The following CDH9 variants were observed in gnomAD, a reference collection of about 807,000 sequenced individuals.
CDH9 encodes cadherin 9.
CDH9 carries 28 observed loss-of-function variants against 70.9 expected under a neutral mutation model. The ratio of observed to expected loss-of-function variants is 0.40; its 90% CI spans 0.29 to 0.54. The LOEUF (loss-of-function observed/expected upper bound fraction) is 0.54. Ranked by LOEUF, CDH9 falls within the 20% of genes least tolerant of loss-of-function variation. The probability of loss-of-function intolerance (pLI) is 0.59; values close to 1 mark genes in which losing one functional copy is unlikely to be tolerated. For missense variants in CDH9, 874 were observed against 984.4 expected, an observed-to-expected ratio of 0.89 and a Z score of 1.50; for synonymous variants, 409 against 343.1, an observed-to-expected ratio of 1.19 and a Z score of -2.12.
At chr5:26,952,652 A>AG (rs1239002305) in intron 2 of CDH9, among the ~76,000 whole-genome samples, 1,661 of 141,156 alleles carry the variant, frequency 0.012, 16 homozygotes, top group Middle Eastern at 0.026. Context: ...AAAAAAAAAA[A>AG]AAAGAAAGAA....
At chr5:26,936,108 G>A (rs1218665864) in intron 2 of CDH9, among the ~76,000 whole-genome samples, 1 of 124,576 alleles carries the variant, frequency 8.0e-6, no homozygotes, top group Admixed American at 7.6e-5. Flanking sequence ...GGGAAGAGTG[G>A]GGGGGTGAGA....
intron 1 of CDH9, among the ~76,000 whole-genome samples, chr5:27,008,342 C>T (rs976444139): frequency 1.3e-4 from 19 of 151,806 alleles, no homozygotes; most frequent in African/African-American, 4.1e-4. Flanking sequence ...ATACAAAAAT[C>T]AGCTGAGTGT....
chr5:26,975,388 G>A (rs1742289106), intron 2 of CDH9, among the ~76,000 whole-genome samples: 1 of 152,160 alleles, frequency 6.6e-6, no homozygotes, highest in Non-Finnish European at 1.5e-5. Flanking sequence ...GTGACATATT[G>A]AAATAAGAGA....
chr5:26,906,170 G>A (rs776741900), intron 4 of CDH9, 44 bp from the exon 5 acceptor site: 2 of 1,535,692 alleles, frequency 1.3e-6, no homozygotes, highest in South Asian at 1.2e-5. Context: ...AAATCGCTGA[G>A]TTTTAAAATT....
At chr5:26,942,536 C>T (rs1217354523) in intron 2 of CDH9, among the ~76,000 whole-genome samples, 2 of 152,140 alleles carry the variant, frequency 1.3e-5, no homozygotes, top group African/African-American at 4.8e-5. Context: ...TACTTGCTTA[C>T]AACAGTTGCC....
rs1465812822 is a variant in CDH9, at chr5:26,883,086, TATATATATAA to T, written c.1883-1473_1883-1464del. Among the ~76,000 whole-genome samples the T allele has an allele frequency of 4.1e-4, 51 of 122,922 alleles. 1 individual carries two copies. Among genetic ancestry groups the T allele is most frequent in the African/African-American group, 1.5e-3 (49 of 32,888 alleles). 80.6% of individuals were successfully genotyped at this position (122,922 alleles called of 152,430 possible). On this transcript the variant is annotated intron_variant, in intron 11 of 11. Coordinates refer to ENST00000231021, the MANE Select transcript of CDH9 (RefSeq NM_016279.4). Reference sequence around the variant, plus strand: ...ATATATATATATATATATATATATATATATATATAAAACTGCAGTAAAAATGAGACCTCTG... The same window carrying T: ...ATATATATATATATATATATATATATAACTGCAGTAAAAATGAGACCTCTG...
intron 2 of CDH9, among the ~76,000 whole-genome samples, chr5:26,979,481 A>G (rs1039192533): frequency 6.6e-6 from 1 of 151,876 alleles, no homozygotes; most frequent in Admixed American, 6.6e-5. Context: ...AGTTATAAAG[A>G]ACAACTGGGG....
intron 2 of CDH9, among the ~76,000 whole-genome samples, chr5:26,920,583 C>T (rs1416780778): frequency 5.3e-5 from 8 of 152,066 alleles, no homozygotes; most frequent in Non-Finnish European, 7.4e-5. Flanking sequence ...GTCCCAGTGG[C>T]GGGGGCCACA....
chr5:27,015,651 T>C (rs990203846), intron 1 of CDH9, among the ~76,000 whole-genome samples: 2 of 151,710 alleles, frequency 1.3e-5, no homozygotes, highest in Admixed American at 1.3e-4. Context: ...TATGATATGC[T>C]TTCTTAAATA....
At chr5:27,034,851 T>C (rs1743365463) in intron 1 of CDH9, among the ~76,000 whole-genome samples, 1 of 151,714 alleles carries the variant, frequency 6.6e-6, no homozygotes, top group Non-Finnish European at 1.5e-5. Flanking sequence ...TATGGAAATG[T>C]AGAAGAGTGC....
intron 2 of CDH9, among the ~76,000 whole-genome samples, chr5:26,943,066 C>T (rs1212391449): frequency 6.6e-6 from 1 of 152,158 alleles, no homozygotes; most frequent in Non-Finnish European, 1.5e-5. Flanking sequence ...TGGGAAGTTA[C>T]CTTCCTGCCA....
intron 2 of CDH9, among the ~76,000 whole-genome samples, chr5:26,965,131 A>G (rs1742107069): frequency 6.6e-6 from 1 of 152,150 alleles, no homozygotes; most frequent in South Asian, 2.1e-4. Context: ...GACTTTCAGA[A>G]TATCATTTTC....
At chr5:26,974,171 G>A (rs1561024952) in intron 2 of CDH9, among the ~76,000 whole-genome samples, 1 of 152,148 alleles carries the variant, frequency 6.6e-6, no homozygotes. Flanking sequence ...TTGAACCTGG[G>A]AGACAGTGGT....
chr5:26,904,180 T>TTTTTTTTAACATGTATTCAATTA (rs1554035700), intron 5 of CDH9, among the ~76,000 whole-genome samples: 19 of 149,994 alleles, frequency 1.3e-4, no homozygotes, highest in South Asian at 6.3e-4. Context: ...TCATCACACT[T>TTTTTTTTAACATGTATTCAATTA]TTTTTTTTAA....
chr5:27,025,175 G>A (rs548840645), intron 1 of CDH9, among the ~76,000 whole-genome samples: 2 of 151,850 alleles, frequency 1.3e-5, no homozygotes, highest in East Asian at 1.9e-4. Context: ...TGTTATTTGG[G>A]GAAAGAATAT....
rs1200494371 is a variant in CDH9 at position 26,881,097 on chromosome 5, C to T, written c.*39G>A. On this transcript the variant is annotated 3_prime_UTR_variant, in exon 12 of 12. Coordinates refer to ENST00000231021, the MANE Select transcript of CDH9 (RefSeq NM_016279.4). ...AGGCCACTCAATCTAATAACATAGA[C>T]AGTACTTCCACTAATATTGATTAAG... 1.3e-6 allele frequency: 2 copies of T among 1,534,502 alleles called. No homozygotes were observed. The highest frequency in any genetic ancestry group is 2.0e-5 in the Admixed American group (1 of 50,862).
chr5:26,904,879 A>T (rs2111990565), intron 5 of CDH9, among the ~76,000 whole-genome samples: 1 of 152,240 alleles, frequency 6.6e-6, no homozygotes, highest in Non-Finnish European at 1.5e-5. Flanking sequence ...TTACTCTTAT[A>T]GTTCCAAAGT....
intron 1 of CDH9, among the ~76,000 whole-genome samples, chr5:27,013,555 G>T (rs1013021344): frequency 4.6e-5 from 7 of 151,806 alleles, no homozygotes; most frequent in Non-Finnish European, 1.5e-5. Flanking sequence ...CTGGAAAAAG[G>T]GTTTATGAGC....
At chr5:26,980,725 A>G (rs1561027366) in intron 2 of CDH9, among the ~76,000 whole-genome samples, 1 of 152,048 alleles carries the variant, frequency 6.6e-6, no homozygotes, top group Non-Finnish European at 1.5e-5. Context: ...AAATTAAGCT[A>G]AATACAGTTT....
Sources: gnomAD v4.1 joint callset for allele counts (sites outside exome capture counted in the v4.1 genomes callset) on GRCh38, gnomAD v4.1.1 for gene constraint, MANE v1.5 for transcripts, NCBI Gene and HGNC (gene_info 2026-07-23, HGNC 2026-07-21) for gene names.